EPHA6: variants seen among roughly 807,000 people sequenced by gnomAD.
EPHA6 encodes the protein EPH receptor A6, also known as ephrin type-A receptor 6.
A neutral mutation model predicts 112.0 loss-of-function variants in EPHA6; 50 were observed. The ratio of observed to expected loss-of-function variants is 0.45; its 90% CI spans 0.36 to 0.56. EPHA6 has a LOEUF of 0.56. Ranked by LOEUF, EPHA6 falls within the 20% of genes least tolerant of loss-of-function variation. The pLI is 0.00. For synonymous variants in EPHA6, 529 were observed against 490.7 expected (o/e 1.08, Z -1.03); for missense variants, 1,280 against 1,417.4 (o/e 0.90, Z 1.56).
At position 97,475,570 on chromosome 3, in the gene EPHA6, G is replaced by T. The variant is rs2091345917; in HGVS notation, c.2003+110G>T. 3 of 695,682 alleles carry T rather than the reference G, an allele frequency of 4.3e-6. No individual in the cohort carries two copies. The South Asian group carries it at 6.0e-5, about 14-fold the overall frequency. 43.1% of individuals were successfully genotyped at this position (695,682 alleles called of 1,614,324 possible). ...AACAAAGCACACCTGAGGTCGAGAG[G>T]GATCCCATAAGAATCCACTCTGACA... On this transcript the variant is annotated intron_variant, in intron 8 of 17. Coordinates refer to ENST00000389672, the MANE Select transcript of EPHA6 (RefSeq NM_001080448.3).
chr3:97,014,134 T>A (rs1284578450), intron 3 of EPHA6, among the ~76,000 whole-genome samples: 3 of 152,130 alleles, frequency 2.0e-5, no homozygotes, highest in Non-Finnish European at 4.4e-5. Flanking sequence ...TTATACCTCT[T>A]GTCTTTTAAG....
Position 97,527,353 on chromosome 3 carries a change from A to G in EPHA6, c.2201-5005A>G, listed in dbSNP as rs867353820. On this transcript the variant is annotated intron_variant, in intron 10 of 17. Transcript: ENST00000389672. ...ATCTTGGGCTCCACTCTGGTTTCACAACCTCATACCCCAATCCAAGGGCTC... is the reference window on the plus strand; with the variant it reads ...ATCTTGGGCTCCACTCTGGTTTCACGACCTCATACCCCAATCCAAGGGCTC... Among the ~76,000 whole-genome samples the G allele has an allele frequency of 2.0e-5, 3 of 152,126 alleles. No homozygotes were observed. The South Asian group carries it at 6.2e-4, about 32-fold the overall frequency.
intron 11 of EPHA6, among the ~76,000 whole-genome samples, chr3:97,584,941 T>C (rs1053945104): frequency 2.2e-4 from 33 of 152,238 alleles, no homozygotes; most frequent in Non-Finnish European, 2.9e-5. Flanking sequence ...AATCAGTTAG[T>C]GAATGGTAGA....
chr3:97,322,617 C>T (rs1050409490), intron 5 of EPHA6, among the ~76,000 whole-genome samples: 1 of 151,888 alleles, frequency 6.6e-6, no homozygotes, highest in African/African-American at 2.4e-5. Flanking sequence ...GAAACATTTT[C>T]CTATTGGCTG....
At chr3:97,330,581 G>A (rs1351335790) in intron 5 of EPHA6, among the ~76,000 whole-genome samples, 4 of 151,636 alleles carry the variant, frequency 2.6e-5, no homozygotes, top group African/African-American at 9.7e-5. Flanking sequence ...TTTGAAGCAG[G>A]CAGGGGTTGC....
chr3:97,006,704 T>G (rs954966171), intron 3 of EPHA6, among the ~76,000 whole-genome samples: 4 of 152,158 alleles, frequency 2.6e-5, no homozygotes, highest in African/African-American at 9.7e-5. Context: ...TTTTAGGGTG[T>G]TGATTCAAGA....
At chr3:97,181,180 G>T (rs1284620543) in intron 3 of EPHA6, among the ~76,000 whole-genome samples, 1 of 152,048 alleles carries the variant, frequency 6.6e-6, no homozygotes, top group Non-Finnish European at 1.5e-5. Context: ...TCTCAGAATT[G>T]CTATGTCCTT....
intron 14 of EPHA6, among the ~76,000 whole-genome samples, chr3:97,660,248 G>A (rs1435570133): frequency 6.6e-6 from 1 of 151,854 alleles, no homozygotes; most frequent in Admixed American, 6.6e-5. Context: ...ATTTTCACTA[G>A]CTATCTAACT....
chr3:96,889,452 G>A (rs1336556379), intron 2 of EPHA6, among the ~76,000 whole-genome samples: 3 of 152,180 alleles, frequency 2.0e-5, no homozygotes, highest in Non-Finnish European at 2.9e-5. Context: ...AGGGCGGAAC[G>A]TGAAAGGCAC....
intron 2 of EPHA6, among the ~76,000 whole-genome samples, chr3:96,902,536 C>G (rs1474316575): frequency 6.6e-6 from 1 of 152,146 alleles, no homozygotes; most frequent in African/African-American, 2.4e-5. Context: ...TCACACACCT[C>G]CTGATGCTAC....
At chr3:96,887,485 G>A (rs2037697400) in intron 2 of EPHA6, among the ~76,000 whole-genome samples, 1 of 152,174 alleles carries the variant, frequency 6.6e-6, no homozygotes, top group Non-Finnish European at 1.5e-5. Flanking sequence ...TTCCAGTGGA[G>A]GTGGCCAGGG....
intron 3 of EPHA6, among the ~76,000 whole-genome samples, chr3:97,019,430 C>G (rs1487460718): frequency 6.6e-6 from 1 of 151,940 alleles, no homozygotes; most frequent in African/African-American, 2.4e-5. Flanking sequence ...TTTGCCATCA[C>G]TCTCCTCTCT....
chr3:96,917,993 C>G (rs1352941924), intron 2 of EPHA6, among the ~76,000 whole-genome samples: 1 of 152,054 alleles, frequency 6.6e-6, no homozygotes, highest in Admixed American at 6.6e-5. Flanking sequence ...AAGTTGAAAA[C>G]CAGCAACAAA....
Position 96,941,606 on chromosome 3 carries a change from T to A in EPHA6, c.451-45724T>A, listed in dbSNP as rs184683423. On this transcript the variant is annotated intron_variant, in intron 2 of 17. Transcript: ENST00000389672. Reference sequence around the variant, plus strand: ...GCCTTCTTCTCTCAACTCGTCAAAGTCATTCTCCGTCCAGCTTTGTTCCAT... The same window carrying A: ...GCCTTCTTCTCTCAACTCGTCAAAGACATTCTCCGTCCAGCTTTGTTCCAT... Among the ~76,000 whole-genome samples, 38 of 152,368 alleles carry A rather than the reference T, an allele frequency of 2.5e-4. No homozygotes were observed. The East Asian group carries it at 5.8e-3, about 23-fold the overall frequency.
chr3:97,624,359 T>C (rs990486194), intron 13 of EPHA6, among the ~76,000 whole-genome samples: 1 of 151,674 alleles, frequency 6.6e-6, no homozygotes, highest in Admixed American at 6.6e-5. Context: ...ACTTTCATAT[T>C]TGAACCATCC....
At chr3:97,184,906 T>G (rs149375867) in intron 3 of EPHA6, among the ~76,000 whole-genome samples, 1,946 of 152,104 alleles carry the variant, frequency 0.013, 47 homozygotes, top group African/African-American at 0.043. Context: ...TCAGAAATAA[T>G]GCCACATATC....
chr3:97,364,799 AT>A (rs1206321301), intron 5 of EPHA6, among the ~76,000 whole-genome samples: 1 of 152,156 alleles, frequency 6.6e-6, no homozygotes, highest in Non-Finnish European at 1.5e-5. Context: ...ATTTCTTAAA[AT>A]TTAGAAAATT....
rs188681424 is a variant in EPHA6 at position 97,224,040 on chromosome 3, A to C, written c.1115-2224A>C. ...ATTTCAAATACTTCGAGAAAAAAAAAATTTAAAATCCAAGGAATGTAAAAT... is the reference window on the plus strand; with the variant it reads ...ATTTCAAATACTTCGAGAAAAAAAACATTTAAAATCCAAGGAATGTAAAAT... On this transcript the variant is annotated intron_variant, in intron 3 of 17. Coordinates refer to ENST00000389672, the MANE Select transcript of EPHA6 (RefSeq NM_001080448.3). Among the ~76,000 whole-genome samples the C allele has an allele frequency of 9.2e-3, 1,403 of 152,238 alleles. 20 individuals carry two copies. Among genetic ancestry groups the C allele is most frequent in the African/African-American group, 0.032 (1,320 of 41,544 alleles).
At chr3:97,113,009 C>T (rs575977218) in intron 3 of EPHA6, among the ~76,000 whole-genome samples, 2 of 152,234 alleles carry the variant, frequency 1.3e-5, no homozygotes, top group Admixed American at 1.3e-4. Context: ...ATACTTCTAG[C>T]ATACTTGACT....
Sources: gnomAD v4.1 joint callset for allele counts (sites outside exome capture counted in the v4.1 genomes callset) on GRCh38, gnomAD v4.1.1 for gene constraint, MANE v1.5 for transcripts, NCBI Gene and HGNC (gene_info 2026-07-23, HGNC 2026-07-21) for gene names.